The following POMT2 variants were observed in gnomAD, a reference collection of about 807,000 sequenced individuals.
The protein encoded by POMT2 is protein O-mannosyl-transferase 2.
In POMT2, 75 loss-of-function variants were observed where a neutral mutation model predicts 100.0. The ratio of observed to expected loss-of-function variants is 0.75; its 90% CI spans 0.62 to 0.91. POMT2 has a LOEUF of 0.91. Ranked by LOEUF, POMT2 falls within the 40% of genes least tolerant of loss-of-function variation. The pLI is 0.00. For missense variants in POMT2, 940 were observed against 955.1 expected, an observed-to-expected ratio of 0.98 and a Z score of 0.21; for synonymous variants, 378 against 374.1, an observed-to-expected ratio of 1.01 and a Z score of -0.12.
In POMT2 at chr14:77,320,559, G is replaced by A; in HGVS notation, c.123C>T (p.Ser41=). ...RDVAAEAVAR[S]PKRPAWGSRR... ...GTGAGCCCCAAGCAGGCCGTTTGGG[G>A]CTTCGCGCCACAGCCTCAGCGGCCA... The change falls in exon 1 of 21, where the codon AGC becomes AGT. Residue 41 remains serine (S), a synonymous_variant. Coordinates refer to ENST00000261534, the MANE Select transcript of POMT2 (RefSeq NM_013382.7). The A allele has an allele frequency of 6.4e-7, 1 of 1,569,044 alleles. No individual in the cohort carries two copies. The highest frequency in any genetic ancestry group is 8.6e-7 in the Non-Finnish European group (1 of 1,164,010).
chr14:77,279,043 T>C, intron 18 of POMT2, 174 bp from the exon 19 acceptor site: 1 of 886,242 alleles, frequency 1.1e-6, no homozygotes, highest in South Asian at 1.4e-5. Flanking sequence ...GCTCGAGAGC[T>C]CTGGTCAGGG....
chr14:77,280,286 G>A, intron 16 of POMT2, 106 bp downstream of exon 16: 4 of 1,574,468 alleles, frequency 2.5e-6, no homozygotes, highest in South Asian at 2.3e-5. Context: ...CATCCCAGGA[G>A]GCCCCTCGCC....
chr14:77,311,280 G>A (rs942411044), intron 2 of POMT2, among the ~76,000 whole-genome samples: 2 of 152,200 alleles, frequency 1.3e-5, no homozygotes, highest in Admixed American at 6.5e-5. Context: ...TATCAGCCTC[G>A]TAAGCTATTT....
rs79005910 is a variant in POMT2, at chr14:77,289,694, C to T, written c.1184-863G>A. On this transcript the variant is annotated intron_variant, in intron 10 of 20. Coordinates refer to ENST00000261534, the MANE Select transcript of POMT2 (RefSeq NM_013382.7). ...AAATAAACCCTGACAATCTTGCCAG[C>T]GAGTATCTTGTCTCTGGCAATAAAC... Among the ~76,000 whole-genome samples, 191 of 152,260 alleles carry T rather than the reference C, an allele frequency of 1.3e-3. 6 individuals are homozygous for T. In the East Asian group the frequency reaches 0.03, roughly 24 times the overall value.
chr14:77,276,648 C>T lies in POMT2; in HGVS notation c.*728G>A, dbSNP rs550980783. 25 of 152,850 alleles carry T rather than the reference C, an allele frequency of 1.6e-4. No individual in the cohort carries two copies. Among genetic ancestry groups the T allele is most frequent in the African/African-American group, 5.8e-4 (24 of 41,568 alleles). 9.5% of individuals were successfully genotyped at this position (152,850 alleles called of 1,614,324 possible). A position where few individuals can be genotyped will look rare whatever the true frequency, so the allele number is the denominator to read the frequency against. On this transcript the variant is annotated 3_prime_UTR_variant, in exon 21 of 21. Transcript: ENST00000261534. ...GTCACAGTGTGACAATCCCAAAAAA[C>T]GAGGAACCAAGGGCTAAGGCAGGCT...
intron 1 of POMT2, 111 bp from the exon 2 acceptor site, chr14:77,312,144 C>A (rs1891459118): frequency 2.0e-6 from 3 of 1,466,332 alleles, no homozygotes; most frequent in Non-Finnish European, 1.8e-6. Context: ...ACAATTAATG[C>A]AAAAGTCTGG....
chr14:77,299,692 G>T (rs1818784625), intron 6 of POMT2, 131 bp from the exon 7 acceptor site: 3 of 676,918 alleles, frequency 4.4e-6, no homozygotes, highest in African/African-American at 1.8e-5. Flanking sequence ...GGAGAGAGAA[G>T]AATATGTGGA....
intron 18 of POMT2, chr14:77,279,465 C>T (rs1258352878): frequency 1.5e-5 from 7 of 479,904 alleles, no homozygotes; most frequent in African/African-American, 7.8e-5. Flanking sequence ...CAGCTCTGTA[C>T]ACAGCATGGG....
intron 9 of POMT2, among the ~76,000 whole-genome samples, chr14:77,295,474 TACGA>T (rs1444724604): frequency 1.3e-5 from 2 of 151,732 alleles, no homozygotes; most frequent in Admixed American, 1.3e-4. Flanking sequence ...CTACTAAAAA[TACGA>T]AAAATTAGCC....
At chr14:77,296,042 G>T in intron 9 of POMT2, 122 bp downstream of exon 9, 1 of 828,044 alleles carries the variant, frequency 1.2e-6, no homozygotes, top group Non-Finnish European at 2.0e-6. Flanking sequence ...ACAGAAGGGT[G>T]CAGGGCTAGG....
At chr14:77,300,958 G>C (rs1891012992) in intron 6 of POMT2, 132 bp downstream of exon 6, 6 of 1,571,458 alleles carry the variant, frequency 3.8e-6, no homozygotes, top group Non-Finnish European at 5.2e-6. Flanking sequence ...CGGAGGTTGG[G>C]GGGTCCAGCC....
chr14:77,304,738 G>A lies in POMT2; in HGVS notation c.501C>T (p.Ser167=), dbSNP rs755968747. 1.9e-6 allele frequency: 3 copies of A among 1,600,952 alleles called. No individual in the cohort carries two copies. Among genetic ancestry groups the A allele is most frequent in the South Asian group, 1.1e-5 (1 of 87,692 alleles). The change falls in exon 4 of 21, where the codon TCC becomes TCT. Residue 167 remains serine, a synonymous_variant. Coordinates refer to ENST00000261534, the MANE Select transcript of POMT2 (RefSeq NM_013382.7). The stretch of plus-strand genomic sequence containing the variant: ...TGAGCAGTGCTGCCGAGAGGGACTT[G>A]GACAGATCCAGTACAGTGAGGTAGG... ...PFAYLTVLDL[S]KSLSAALLTA...
chr14:77,287,069 G>A, intron 11 of POMT2: 1 of 667,900 alleles, frequency 1.5e-6, no homozygotes, highest in Admixed American at 3.2e-5. Context: ...CCAAGAAAGG[G>A]GCTAACTTTA....
chr14:77,278,902 C>T (rs1255520336), intron 18 of POMT2, 33 bp from the exon 19 acceptor site: 5 of 1,607,256 alleles, frequency 3.1e-6, no homozygotes, highest in Non-Finnish European at 4.3e-6. Flanking sequence ...AGTCAGAAGA[C>T]AAGGAGCGGG....
Position 77,320,787 on chromosome 14 carries a change from C to T in POMT2, c.-106G>A. 6.8e-7 allele frequency: 1 copy of T among 1,474,218 alleles called. No homozygotes were observed. The highest frequency in any genetic ancestry group is 1.4e-5 in the South Asian group (1 of 73,948). 91.3% of individuals were successfully genotyped at this position (1,474,218 alleles called of 1,614,324 possible). A position where few individuals can be genotyped will look rare whatever the true frequency, so the allele number is the denominator to read the frequency against. ...GCAGCTCGGGGTACCCCGGGAAATGCAACGCCCTTCACTGCAGCGGAGCGC... is the reference window on the plus strand; with the variant it reads ...GCAGCTCGGGGTACCCCGGGAAATGTAACGCCCTTCACTGCAGCGGAGCGC... On this transcript the variant is annotated 5_prime_UTR_variant, in exon 1 of 21. Coordinates refer to ENST00000261534, the MANE Select transcript of POMT2 (RefSeq NM_013382.7).
At chr14:77,282,404 C>T (rs1309078012) in intron 15 of POMT2, among the ~76,000 whole-genome samples, 1 of 152,200 alleles carries the variant, frequency 6.6e-6, no homozygotes, top group African/African-American at 2.4e-5. Flanking sequence ...CGGAAGAGCC[C>T]TGCCCCTGCA....
At chr14:77,298,240 C>T (rs574453736) in intron 8 of POMT2, among the ~76,000 whole-genome samples, 1 of 152,344 alleles carries the variant, frequency 6.6e-6, no homozygotes, top group South Asian at 2.1e-4. Context: ...GAGCTGTGCT[C>T]CCTCTTTACG....
At chr14:77,282,732 T>C (rs1890277947) in intron 15 of POMT2, among the ~76,000 whole-genome samples, 1 of 152,190 alleles carries the variant, frequency 6.6e-6, no homozygotes, top group Admixed American at 6.5e-5. Flanking sequence ...TGACAAAATT[T>C]GAATTTTTAA....
In POMT2 at chr14:77,278,484, C is replaced by T. The variant is rs200163818; in HGVS notation, c.2057G>A (p.Arg686Gln). The T allele has an allele frequency of 2.1e-4, 317 of 1,493,290 alleles. 2 individuals carry two copies. The South Asian group carries it at 2.7e-3, about 13-fold the overall frequency. 92.5% of individuals were successfully genotyped at this position (1,493,290 alleles called of 1,614,324 possible). The change falls in exon 20 of 21, where the codon CGG (arginine) becomes CAG (glutamine). Residue 686 changes from arginine to glutamine, a missense_variant. Physicochemically the swap from Arg to Gln is conservative, Grantham distance 43. Transcript: ENST00000261534. ...LTGILWDTLLRLCAWGLASWP... is the reference protein window; with the variant it reads ...LTGILWDTLLQLCAWGLASWP... ...TGAGGCCAAGCCCCAGGCACAGAGC[C>T]GCAGGAGGGTGTCCCACAGAATGCC...
Sources: gnomAD v4.1 joint callset for allele counts (sites outside exome capture counted in the v4.1 genomes callset) on GRCh38, gnomAD v4.1.1 for gene constraint, MANE v1.5 for transcripts, NCBI Gene and HGNC (gene_info 2026-07-23, HGNC 2026-07-21) for gene names.